The following GSTZ1 variants were observed in gnomAD, a reference collection of about 807,000 sequenced individuals.
The protein encoded by GSTZ1 is maleylacetoacetate isomerase.
Under a neutral mutation model 35.9 loss-of-function variants are expected in GSTZ1, and 34 were observed. The observed-to-expected ratio is 0.95, with a 90% CI of 0.72 to 1.26. The LOEUF is 1.26. Among genes scored for constraint, GSTZ1 ranks in the 50% most tolerant of loss-of-function variants. The pLI is 0.00. For synonymous variants in GSTZ1, 93 were observed against 101.2 expected, an observed-to-expected ratio of 0.92 and a Z score of 0.49; for missense variants, 263 against 271.7, an observed-to-expected ratio of 0.97 and a Z score of 0.23.
Position 77,331,455 on chromosome 14 carries a change from A to G in GSTZ1, c.*260A>G. The stretch of plus-strand genomic sequence containing the variant: ...GGGCAGTCGTGAGGCTGAGATGAGA[A>G]TGCGGATTAAAATGCCTGGCGTGCT... On this transcript the variant is annotated 3_prime_UTR_variant, in exon 9 of 9. Transcript: ENST00000216465. The G allele has an allele frequency of 2.4e-6, 1 of 416,186 alleles. No individual in the cohort carries two copies. The highest frequency in any genetic ancestry group is 4.4e-6 in the Non-Finnish European group (1 of 229,876). 25.8% of individuals were successfully genotyped at this position (416,186 alleles called of 1,614,324 possible).
intron 4 of GSTZ1, 92 bp from the exon 5 acceptor site, chr14:77,327,820 T>C: frequency 8.0e-7 from 1 of 1,256,366 alleles, no homozygotes; most frequent in Non-Finnish European, 1.2e-6. Context: ...GTGATGGTGC[T>C]GGAAGAGGAG....
chr14:77,328,389 A>G (rs1054013445), intron 5 of GSTZ1: 2 of 253,776 alleles, frequency 7.9e-6, no homozygotes, highest in African/African-American at 4.5e-5. Context: ...TCTCAGTCAT[A>G]TACTGGGATA....
At chr14:77,329,454 T>A in intron 6 of GSTZ1, 2 of 596,184 alleles carry the variant, frequency 3.4e-6, no homozygotes, top group South Asian at 4.0e-5. Flanking sequence ...CACTGCCTAC[T>A]CCAGCTGGGA....
chr14:77,322,095 G>A (rs1892039102), intron 1 of GSTZ1, among the ~76,000 whole-genome samples: 1 of 152,166 alleles, frequency 6.6e-6, no homozygotes, highest in Non-Finnish European at 1.5e-5. Context: ...GTGGCACTAA[G>A]GAAGGTGGCA....
At chr14:77,326,680 C>G (rs1892329632) in intron 2 of GSTZ1, 158 bp from the exon 3 acceptor site, 1 of 593,410 alleles carries the variant, frequency 1.7e-6, no homozygotes. Flanking sequence ...ACAAGGAAAG[C>G]TGAGAGAAGG....
chr14:77,327,973 C>T lies in GSTZ1; in HGVS notation c.278C>T (p.Pro93Leu), dbSNP rs1169772109. The T allele has an allele frequency of 1.2e-6, 2 of 1,613,882 alleles. No homozygotes were observed. Among genetic ancestry groups the T allele is most frequent in the Non-Finnish European group, 1.7e-6 (2 of 1,179,896 alleles). The change falls in exon 5 of 9, where the codon CCA becomes CTA. Residue 93 changes from proline (P) to leucine (L), a missense_variant. Coordinates refer to ENST00000216465, the MANE Select transcript of GSTZ1 (RefSeq NM_145870.3). Reference protein sequence around the residue: ...RPTPRLLPQDPKKRASVRMIS... With the variant: ...RPTPRLLPQDLKKRASVRMIS... Reference sequence around the variant, plus strand: ...ACTCCGCGACTTCTGCCTCAGGACCCAAAGAAGAGGGCCAGCGTGCGTATG... The same window carrying T: ...ACTCCGCGACTTCTGCCTCAGGACCTAAAGAAGAGGGCCAGCGTGCGTATG...
intron 2 of GSTZ1, 37 bp downstream of exon 2, chr14:77,324,958 T>C (rs1280368802): frequency 1.3e-6 from 2 of 1,536,716 alleles, no homozygotes; most frequent in East Asian, 2.2e-5. Context: ...AGTGCTGGAG[T>C]GGGGTGGACT....
chr14:77,330,938 T>C (rs1227607576), intron 8 of GSTZ1, 131 bp from the exon 9 acceptor site: 1 of 759,144 alleles, frequency 1.3e-6, no homozygotes, highest in Admixed American at 2.3e-5. Context: ...GAATAAGGGC[T>C]GCCCCATCGT....
At chr14:77,329,657 G>C in intron 6 of GSTZ1, 98 bp from the exon 7 acceptor site, 1 of 905,196 alleles carries the variant, frequency 1.1e-6, no homozygotes, top group Non-Finnish European at 1.9e-6. Context: ...CTGTCACTCA[G>C]TTGGGCGCCC....
At chr14:77,321,320 T>C in intron 1 of GSTZ1, 137 bp downstream of exon 1, 9 of 1,527,694 alleles carry the variant, frequency 5.9e-6, no homozygotes, top group Non-Finnish European at 7.9e-6. Flanking sequence ...CCGGGCACGC[T>C]CTGCGCCTGC....
chr14:77,321,217 G>C (rs1042062565), intron 1 of GSTZ1, 34 bp downstream of exon 1: 2 of 1,518,736 alleles, frequency 1.3e-6, no homozygotes, highest in South Asian at 1.2e-5. Flanking sequence ...AGGGAAGCTG[G>C]TTAGACACCT....
At chr14:77,325,093 A>C in intron 2 of GSTZ1, 172 bp downstream of exon 2, 1 of 632,352 alleles carries the variant, frequency 1.6e-6, no homozygotes, top group Non-Finnish European at 2.9e-6. Flanking sequence ...TGGCATCTCC[A>C]CCCCGGAAAC....
At chr14:77,324,954 G>A (rs201332410) in intron 2 of GSTZ1, 33 bp downstream of exon 2, 7 of 1,574,690 alleles carry the variant, frequency 4.4e-6, no homozygotes, top group Admixed American at 3.3e-5. Context: ...GATGAGTGCT[G>A]GAGTGGGGTG....
chr14:77,325,939 G>A (rs1159868885), intron 2 of GSTZ1: 4 of 152,382 alleles, frequency 2.6e-5, no homozygotes, highest in African/African-American at 7.2e-5. Flanking sequence ...CCTCCTCCAG[G>A]TGTCTCCTCC....
chr14:77,330,139 C>T, intron 7 of GSTZ1, 171 bp from the exon 8 acceptor site: 1 of 752,306 alleles, frequency 1.3e-6, no homozygotes, highest in South Asian at 1.4e-5. Flanking sequence ...CACTTCAGCT[C>T]CGGGGGACAG....
intron 8 of GSTZ1, 102 bp downstream of exon 8, chr14:77,330,461 G>T: frequency 1.1e-6 from 1 of 944,622 alleles, no homozygotes; most frequent in Non-Finnish European, 1.7e-6. Context: ...TCGCCAACCA[G>T]CCAAGGAGCC....
chr14:77,330,257 C>T, intron 7 of GSTZ1, 53 bp from the exon 8 acceptor site: 18 of 1,283,674 alleles, frequency 1.4e-5, no homozygotes, highest in Non-Finnish European at 1.8e-5. Flanking sequence ...CCCAGTCCAG[C>T]CACTGACTCT....
chr14:77,327,371 G>C, intron 3 of GSTZ1, 101 bp from the exon 4 acceptor site: 1 of 729,716 alleles, frequency 1.4e-6, no homozygotes. Flanking sequence ...AGGGAAGGGA[G>C]ATGGGGGTGG....
chr14:77,330,415 C>T (rs8177573), intron 8 of GSTZ1, 56 bp downstream of exon 8: 64,206 of 1,393,758 alleles, frequency 0.046, 1,756 homozygotes, highest in Non-Finnish European at 0.055. Flanking sequence ...AGTCAGGCCC[C>T]ACTCAGCTGG....
Sources: gnomAD v4.1 joint callset for allele counts (sites outside exome capture counted in the v4.1 genomes callset) on GRCh38, gnomAD v4.1.1 for gene constraint, MANE v1.5 for transcripts, NCBI Gene and HGNC (gene_info 2026-07-23, HGNC 2026-07-21) for gene names.